KIF26B: variants seen among roughly 807,000 people sequenced by gnomAD.
KIF26B encodes the protein kinesin-like protein KIF26B.
In KIF26B, 63 loss-of-function variants were observed where a neutral mutation model predicts 151.2. That is an observed-to-expected ratio of 0.42 (90% confidence interval 0.34 to 0.51). KIF26B has a LOEUF of 0.51. KIF26B is among the 20% of genes least tolerant of loss of function. The pLI is 0.07. For missense variants in KIF26B, 2,813 were observed against 2,913.6 expected, an observed-to-expected ratio of 0.97 and a Z score of 0.79; for synonymous variants, 1,357 against 1,262.1, an observed-to-expected ratio of 1.08 and a Z score of -1.59.
intron 9 of KIF26B, chr1:245,615,210 TGTACTTTCA>T (rs1355987712): frequency 6.6e-6 from 1 of 152,184 alleles, no homozygotes; most frequent in Non-Finnish European, 1.5e-5. Context: ...AGGACTTTCT[TGTACTTTCA>T]GTAAAGAGTG....
chr1:245,423,115 AGG>A (rs35291012), intron 4 of KIF26B, among the ~76,000 whole-genome samples: 15,063 of 144,822 alleles, frequency 0.1, 1,089 homozygotes, highest in African/African-American at 0.18. Context: ...AAAAAAAAAA[AGG>A]AAAGAAAGAA....
At chr1:245,473,782 G>C (rs1189807083) in intron 4 of KIF26B, among the ~76,000 whole-genome samples, 2 of 151,932 alleles carry the variant, frequency 1.3e-5, no homozygotes, top group Non-Finnish European at 2.9e-5. Context: ...TATGTTCCAA[G>C]GAGGGGCCGG....
chr1:245,675,340 A>G (rs10754469), intron 10 of KIF26B, among the ~76,000 whole-genome samples: 26,343 of 151,982 alleles, frequency 0.17, 2,833 homozygotes, highest in East Asian at 0.46. Context: ...GTACTGTGTG[A>G]CCCCAAAGCC....
Position 245,253,192 on chromosome 1 carries a change from A to G in KIF26B, c.465+96509A>G, listed in dbSNP as rs182378110. ...GCCCAGCTAATTTTGTATTTTTAGT[A>G]GAGATGGGGTTTCACCATATTGGTC... On this transcript the variant is annotated intron_variant, in intron 2 of 14. Transcript: ENST00000407071. Among the ~76,000 whole-genome samples the G allele has an allele frequency of 2.6e-4, 40 of 151,790 alleles. No individual in the cohort carries two copies. In the East Asian group the frequency reaches 7.6e-3, roughly 29 times the overall value.
At chr1:245,311,228 G>C (rs879854333) in intron 2 of KIF26B, among the ~76,000 whole-genome samples, 12 of 152,188 alleles carry the variant, frequency 7.9e-5, no homozygotes, top group Non-Finnish European at 1.8e-4. Flanking sequence ...AGCTCAGCAA[G>C]GGTGCCTGTG....
Position 245,156,318 on chromosome 1 carries a change from C to A in KIF26B, c.100C>A (p.Pro34Thr). 6.5e-7 allele frequency: 1 copy of A among 1,547,584 alleles called. No individual in the cohort carries two copies. The change falls in exon 2 of 15, where the codon CCC becomes ACC. Residue 34 changes from proline (P) to threonine (T), a missense_variant. Around this residue, in one of 3 missense-constraint regions of KIF26B, gnomAD observed 676 missense variants for 688.1 expected, o/e 0.98. Coordinates refer to ENST00000407071, the MANE Select transcript of KIF26B (RefSeq NM_018012.4). ...CTGCTCGCCCACCAAGCCCGCAGCG[C>A]CCTTCTCCCCGGAAAGCTGGTACCG... ...EVCSPTKPAA[P>T]FSPESWYRKA...
chr1:245,203,762 CCTT>C (rs1391081509), intron 2 of KIF26B, among the ~76,000 whole-genome samples: 1 of 152,212 alleles, frequency 6.6e-6, no homozygotes, highest in African/African-American at 2.4e-5. Context: ...CCTCTCCACT[CCTT>C]GTCTCTGTGC....
In KIF26B at chr1:245,572,425, C is replaced by T. The variant is rs1415832292; in HGVS notation, c.1351-30152C>T. On this transcript the variant is annotated intron_variant, in intron 5 of 14. Transcript: ENST00000407071. This position sits in a 1 kb window ranked among gnomAD's most constrained non-coding sequence, Gnocchi z 4.2. ...GGGTGGCTGGTTTGAGGGTGTGGCC[C>T]CGGGAAAGGTGGCAGGACACACTTC... Among the ~76,000 whole-genome samples, 2 of 151,938 alleles carry T rather than the reference C, an allele frequency of 1.3e-5. No homozygotes were observed.
chr1:245,689,211 C>T (rs2044588833), intron 12 of KIF26B, among the ~76,000 whole-genome samples: 1 of 152,230 alleles, frequency 6.6e-6, no homozygotes, highest in Non-Finnish European at 1.5e-5. Flanking sequence ...GGCTCTTCGC[C>T]GTCCATTCCC....
At chr1:245,251,640 A>G (rs930928912) in intron 2 of KIF26B, among the ~76,000 whole-genome samples, 2 of 152,216 alleles carry the variant, frequency 1.3e-5, no homozygotes, top group African/African-American at 2.4e-5. Flanking sequence ...TTTTTGGCAT[A>G]GAAGTAGCCA....
At chr1:245,625,843 C>G (rs2043718617) in intron 9 of KIF26B, among the ~76,000 whole-genome samples, 1 of 147,052 alleles carries the variant, frequency 6.8e-6, no homozygotes, top group Non-Finnish European at 1.5e-5. Context: ...CTACCATTCT[C>G]CTCTCTACCT....
At position 245,646,112 on chromosome 1, in the gene KIF26B, C is replaced by T. The variant is rs766984689; in HGVS notation, c.2099-9C>T. 6.2e-7 allele frequency: 1 copy of T among 1,613,528 alleles called. No homozygotes were observed. The highest frequency in any genetic ancestry group is 8.5e-7 in the Non-Finnish European group (1 of 1,179,610). ...AACCATTTCTCTTTTATCTTCTCCC[C>T]TGTGGTAGTGTCTGGAGGTCGCAGC... On this transcript the variant is annotated splice_polypyrimidine_tract_variant and intron_variant, in intron 9 of 14. Coordinates refer to ENST00000407071, the MANE Select transcript of KIF26B (RefSeq NM_018012.4).
intron 2 of KIF26B, among the ~76,000 whole-genome samples, chr1:245,238,677 A>G (rs1004184185): frequency 6.6e-6 from 1 of 152,104 alleles, no homozygotes; most frequent in Admixed American, 6.5e-5. Context: ...CCTGCCCAAC[A>G]TGGCAAAACC....
chr1:245,283,176 G>A (rs570621011), intron 2 of KIF26B: 8 of 158,198 alleles, frequency 5.1e-5, no homozygotes, highest in Admixed American at 2.0e-4. Context: ...CGCCTTTACC[G>A]GAGAGCAACA....
chr1:245,621,651 CCTG>C (rs140122998), intron 9 of KIF26B, among the ~76,000 whole-genome samples: 2,081 of 152,312 alleles, frequency 0.014, 46 homozygotes, highest in African/African-American at 0.047. Context: ...CTGCTTCTTA[CCTG>C]CTATTAATTA....
At position 245,581,926 on chromosome 1, in the gene KIF26B, G is replaced by GAGGAAAGGAAGGAAGGA. The variant is rs59481342; in HGVS notation, c.1351-20646_1351-20645insAGGAAGGAAGGAAGGAA. 7.9e-3 allele frequency among the ~76,000 whole-genome samples: 1,130 copies of GAGGAAAGGAAGGAAGGA among 142,388 alleles called. 11 individuals are homozygous for GAGGAAAGGAAGGAAGGA. Among genetic ancestry groups the GAGGAAAGGAAGGAAGGA allele is most frequent in the South Asian group, 9.1e-3 (39 of 4,294 alleles). 93.4% of individuals were successfully genotyped at this position (142,388 alleles called of 152,430 possible). A position where few individuals can be genotyped will look rare whatever the true frequency, so the allele number is the denominator to read the frequency against. Reference sequence around the variant, plus strand: ...AGAGAGACCCTGTCAAAGAGAGAAAGAGGAAGGAAGGAAGGAAGGAAGGAA... The same window carrying GAGGAAAGGAAGGAAGGA: ...AGAGAGACCCTGTCAAAGAGAGAAAGAGGAAAGGAAGGAAGGAAGGAAGGAAGGAAGGAAGGAAGGAA... On this transcript the variant is annotated intron_variant, in intron 5 of 14. Coordinates refer to ENST00000407071, the MANE Select transcript of KIF26B (RefSeq NM_018012.4).
At chr1:245,555,625 G>T (rs1046930584) in intron 5 of KIF26B, among the ~76,000 whole-genome samples, 7 of 152,148 alleles carry the variant, frequency 4.6e-5, no homozygotes, top group Non-Finnish European at 7.3e-5. Context: ...CTACAAGAAG[G>T]CTGGAAAGAC....
chr1:245,374,217 T>TA (rs148762432), intron 3 of KIF26B, among the ~76,000 whole-genome samples: 2,435 of 141,658 alleles, frequency 0.017, 81 homozygotes, highest in African/African-American at 0.059. Flanking sequence ...CTGCGGTGCA[T>TA]AACACTTGCT....
intron 2 of KIF26B, among the ~76,000 whole-genome samples, chr1:245,179,224 A>G (rs1041030758): frequency 3.3e-5 from 5 of 152,234 alleles, no homozygotes; most frequent in African/African-American, 1.2e-4. Flanking sequence ...TTTAAAGAGA[A>G]AGATCCACGT....
Sources: allele counts gnomAD v4.1 joint callset (sites outside exome capture counted in the v4.1 genomes callset), GRCh38; gene constraint gnomAD v4.1.1; regional missense constraint gnomAD v4.1.1; non-coding constraint Gnocchi (gnomAD v3.1); transcripts MANE v1.5; gene names NCBI Gene and HGNC (gene_info 2026-07-23, HGNC 2026-07-21).